Variants in RNF125 observed in about 807,000 individuals in gnomAD.
RNF125 encodes E3 ubiquitin-protein ligase RNF125.
RNF125 carries 21 observed loss-of-function variants against 26.0 expected under a neutral mutation model. That is an observed-to-expected ratio of 0.81 (90% CI 0.57 to 1.16). The LOEUF (loss-of-function observed/expected upper bound fraction) is 1.16, where lower values mean the gene tolerates loss of function less well. Among genes scored for constraint, RNF125 ranks in the 50% most tolerant of loss-of-function variants. The pLI is 0.00. For missense variants in RNF125, 270 were observed against 299.4 expected (o/e 0.90, Z 0.72); for synonymous variants, 95 against 109.2 (o/e 0.87, Z 0.81).
intron 4 of RNF125, among the ~76,000 whole-genome samples, chr18:32,056,994 G>T (rs2039392010): frequency 6.6e-6 from 1 of 152,216 alleles, no homozygotes; most frequent in South Asian, 2.1e-4. Flanking sequence ...CCTCAGAGGT[G>T]ATCTAATGTA....
At position 32,018,973 on chromosome 18, in the gene RNF125, G is replaced by T. The variant is rs1229171062; in HGVS notation, c.110G>T (p.Cys37Phe). 6.2e-7 allele frequency: 1 copy of T among 1,613,780 alleles called. No individual in the cohort carries two copies. The highest frequency in any genetic ancestry group is 8.5e-7 in the Non-Finnish European group (1 of 1,179,868). Reference sequence around the variant, plus strand: ...GAGTTGCCCGTCACGTCCTTCGACTGCGCCGTGTGCCTTGAGGTGTTACAC... The same window carrying T: ...GAGTTGCCCGTCACGTCCTTCGACTTCGCCGTGTGCCTTGAGGTGTTACAC... ...DPELPVTSFD[C>F]AVCLEVLHQP... The change falls in exon 1 of 6, where the codon TGC (cysteine) becomes TTC (phenylalanine). Residue 37 changes from cysteine (C) to phenylalanine (F), a missense_variant. Transcript: ENST00000217740.
At chr18:32,047,473 C>T (rs2433380) in intron 4 of RNF125, among the ~76,000 whole-genome samples, 61,546 of 152,106 alleles carry the variant, frequency 0.4, 12,439 homozygotes, top group South Asian at 0.44. Context: ...TTTATTAGCT[C>T]TTGAAATGTA....
intron 1 of RNF125, among the ~76,000 whole-genome samples, chr18:32,031,814 C>G (rs1270565539): frequency 6.6e-6 from 1 of 152,096 alleles, no homozygotes; most frequent in African/African-American, 2.4e-5. Context: ...ATCTTCCCAA[C>G]TGGGGTAGCT....
intron 1 of RNF125, among the ~76,000 whole-genome samples, chr18:32,031,866 A>C (rs978695986): frequency 9.2e-5 from 14 of 151,896 alleles, no homozygotes; most frequent in African/African-American, 2.9e-4. Flanking sequence ...GGGTCAGAAA[A>C]CCCCAGCTTA....
At chr18:32,084,453 C>T in the RNF125 span, among the ~76,000 whole-genome samples, 101,631 of 152,130 alleles carry the variant, frequency 0.67, 34,205 homozygotes, top group Admixed American at 0.74. Context: ...TACTGGTCTA[C>T]TCTAGGGCTC....
Position 32,037,251 on chromosome 18 carries a change from C to T in RNF125, c.300C>T (p.Cys100=), listed in dbSNP as rs367997412. 3.2e-4 allele frequency: 509 copies of T among 1,584,178 alleles called. No individual in the cohort carries two copies. Among genetic ancestry groups the T allele is most frequent in the Admixed American group, 4.5e-4 (24 of 53,072 alleles). The change falls in exon 2 of 6, where the codon TGC becomes TGT. Residue 100 remains cysteine (C), a synonymous_variant. Transcript: ENST00000217740. ...GAATGAAATCAGAGTATAAGAACTG[C>T]GCTGAGTGTGACACCCTGGTATGTA... ...AKRMKSEYKN[C]AECDTLVCLS...
At chr18:32,082,268 T>G in the RNF125 span, among the ~76,000 whole-genome samples, 4 of 152,110 alleles carry the variant, frequency 2.6e-5, no homozygotes, top group Non-Finnish European at 5.9e-5. Flanking sequence ...GCAAATCAAA[T>G]AAGATGTCAC....
intron 4 of RNF125, among the ~76,000 whole-genome samples, chr18:32,063,087 G>A (rs928907381): frequency 6.6e-6 from 1 of 151,926 alleles, no homozygotes; most frequent in Admixed American, 6.6e-5. Flanking sequence ...GGGCATGGTG[G>A]TGGGCGCCTG....
chr18:32,064,694 T>C (rs2039468370), intron 4 of RNF125, among the ~76,000 whole-genome samples: 1 of 152,142 alleles, frequency 6.6e-6, no homozygotes, highest in Non-Finnish European at 1.5e-5. Context: ...GACTCATTTT[T>C]GTATTTTTAG....
chr18:32,053,589 C>CAGCCT (rs2039349948), intron 4 of RNF125, among the ~76,000 whole-genome samples: 1 of 152,036 alleles, frequency 6.6e-6, no homozygotes, highest in African/African-American at 2.4e-5. Context: ...AGTTCGAGAC[C>CAGCCT]AGCCTGGCCA....
intron 1 of RNF125, among the ~76,000 whole-genome samples, chr18:32,020,002 C>CTGTG (rs149126113): frequency 0.032 from 4,841 of 149,926 alleles, 225 homozygotes; most frequent in African/African-American, 0.1. Flanking sequence ...TCTCTGTTTA[C>CTGTG]TGTGTGTGTG....
intron 1 of RNF125, among the ~76,000 whole-genome samples, chr18:32,020,364 A>AT (rs1191235335): frequency 2.0e-5 from 3 of 149,684 alleles, no homozygotes; most frequent in African/African-American, 7.4e-5. Context: ...CTTTGCTTTG[A>AT]TTTTTTTTCG....
the RNF125 span, among the ~76,000 whole-genome samples, chr18:32,082,341 T>C: frequency 1.4e-3 from 213 of 151,468 alleles, 1 homozygote; most frequent in Admixed American, 3.7e-3. Context: ...CACACACACA[T>C]ATATATACAT....
At chr18:32,065,419 G>A (rs1223859116) in intron 4 of RNF125, among the ~76,000 whole-genome samples, 3 of 151,362 alleles carry the variant, frequency 2.0e-5, no homozygotes, top group African/African-American at 7.3e-5. Flanking sequence ...TGTATTTTTA[G>A]TAGAGACAGG....
chr18:32,038,358 A>G (rs2039182277), intron 2 of RNF125, among the ~76,000 whole-genome samples: 1 of 152,068 alleles, frequency 6.6e-6, no homozygotes, highest in African/African-American at 2.4e-5. Flanking sequence ...CTCCAATTTC[A>G]TATATGTACA....
chr18:32,061,610 T>C (rs1420881709), intron 4 of RNF125, among the ~76,000 whole-genome samples: 1 of 152,210 alleles, frequency 6.6e-6, no homozygotes, highest in Non-Finnish European at 1.5e-5. Context: ...TTTCCCACGT[T>C]GATTCCTCTG....
At chr18:32,019,178 C>G in intron 1 of RNF125, 151 bp downstream of exon 1, 4 of 899,848 alleles carry the variant, frequency 4.4e-6, no homozygotes, top group Non-Finnish European at 6.6e-6. Flanking sequence ...TGCAGGACCA[C>G]GGGGAAAACG....
chr18:32,089,832 G>A, the RNF125 span, among the ~76,000 whole-genome samples: 1 of 150,546 alleles, frequency 6.6e-6, no homozygotes, highest in Non-Finnish European at 1.5e-5. Flanking sequence ...TAAAATTAGG[G>A]TCACAAAATT....
intron 4 of RNF125, among the ~76,000 whole-genome samples, chr18:32,065,391 C>G (rs1218563460): frequency 6.6e-6 from 1 of 152,174 alleles, no homozygotes; most frequent in Non-Finnish European, 1.5e-5. Context: ...GCATCTGCCA[C>G]TGCGCCCAGC....
Sources: allele counts gnomAD v4.1 joint callset (sites outside exome capture counted in the v4.1 genomes callset), GRCh38; gene constraint gnomAD v4.1.1; transcripts MANE v1.5; gene names NCBI Gene and HGNC (gene_info 2026-07-23, HGNC 2026-07-21).